KCNQ5: variants seen among roughly 807,000 people sequenced by gnomAD.
KCNQ5 encodes potassium voltage-gated channel subfamily Q member 5.
Under a neutral mutation model 98.2 loss-of-function variants are expected in KCNQ5, and 30 were observed. That is an observed-to-expected ratio of 0.31 (90% CI 0.23 to 0.41). The LOEUF (loss-of-function observed/expected upper bound fraction) is 0.41, where lower values mean the gene tolerates loss of function less well. Among genes scored for constraint, KCNQ5 ranks in the 10% least tolerant of loss-of-function variants. KCNQ5 has a pLI of 1.00. For missense variants in KCNQ5, 835 were observed against 1,182.5 expected (o/e 0.71, Z 4.31); for synonymous variants, 458 against 449.4 (o/e 1.02, Z -0.24).
intron 6 of KCNQ5, among the ~76,000 whole-genome samples, chr6:73,108,049 C>T (rs1775075403): frequency 6.6e-6 from 1 of 152,170 alleles, no homozygotes; most frequent in South Asian, 2.1e-4. Context: ...TTGTGGGCTG[C>T]CCCTATGTAG....
At chr6:72,882,510 G>A (rs1338986904) in intron 1 of KCNQ5, among the ~76,000 whole-genome samples, 1 of 152,140 alleles carries the variant, frequency 6.6e-6, no homozygotes, top group Non-Finnish European at 1.5e-5. Context: ...GTCCCTAAAT[G>A]CAGTGGAATG....
At chr6:73,130,695 A>G (rs371478336) in intron 9 of KCNQ5, among the ~76,000 whole-genome samples, 1 of 151,776 alleles carries the variant, frequency 6.6e-6, no homozygotes, top group African/African-American at 2.4e-5. Flanking sequence ...TCACCTGATC[A>G]GCTTAATAGT....
At chr6:73,154,347 G>A (rs566602660) in intron 10 of KCNQ5, among the ~76,000 whole-genome samples, 87 of 152,250 alleles carry the variant, frequency 5.7e-4, no homozygotes, top group Admixed American at 2.1e-3. Context: ...TGTTGCTACA[G>A]TACCAGCAAT....
At chr6:73,121,624 C>T (rs772576357) in intron 8 of KCNQ5, among the ~76,000 whole-genome samples, 4 of 152,130 alleles carry the variant, frequency 2.6e-5, no homozygotes, top group Non-Finnish European at 4.4e-5. Flanking sequence ...TCATGGGATT[C>T]AGGACACCTA....
rs547244833 is a variant in KCNQ5 at position 72,653,541 on chromosome 6, C to T, written c.398+30954C>T. Among the ~76,000 whole-genome samples, 99 of 151,874 alleles carry T rather than the reference C, an allele frequency of 6.5e-4. 1 individual carries two copies. Among genetic ancestry groups the T allele is most frequent in the African/African-American group, 2.3e-3 (94 of 41,458 alleles). The stretch of plus-strand genomic sequence containing the variant: ...TATTGTATAGTTGTGGTCATTATAC[C>T]GTTCATTAAAAATATTTATTTGAAA... On this transcript the variant is annotated intron_variant, in intron 1 of 13. Coordinates refer to ENST00000370398, the MANE Select transcript of KCNQ5 (RefSeq NM_019842.4).
chr6:72,962,250 T>C (rs1482686846), intron 1 of KCNQ5, among the ~76,000 whole-genome samples: 3 of 145,278 alleles, frequency 2.1e-5, no homozygotes, highest in Non-Finnish European at 4.5e-5. Context: ...CATATATATA[T>C]ACACACATAT....
At chr6:73,045,079 G>A (rs1463215718) in intron 3 of KCNQ5, among the ~76,000 whole-genome samples, 6 of 152,042 alleles carry the variant, frequency 3.9e-5, no homozygotes, top group Non-Finnish European at 8.8e-5. Context: ...ATTGACAAAG[G>A]CCCAATTGAT....
At chr6:73,101,985 C>A (rs1187592961) in intron 5 of KCNQ5, among the ~76,000 whole-genome samples, 8 of 151,992 alleles carry the variant, frequency 5.3e-5, no homozygotes, top group Non-Finnish European at 8.8e-5. Context: ...AATCACATTA[C>A]CTGACTTCAA....
At chr6:73,104,913 T>G (rs1311474023) in intron 5 of KCNQ5, among the ~76,000 whole-genome samples, 4 of 152,204 alleles carry the variant, frequency 2.6e-5, no homozygotes, top group Non-Finnish European at 5.9e-5. Context: ...ACAGCCTAAA[T>G]TAACATAAAT....
chr6:72,697,814 A>T (rs1021396136), intron 1 of KCNQ5, among the ~76,000 whole-genome samples: 2 of 152,182 alleles, frequency 1.3e-5, no homozygotes, highest in African/African-American at 4.8e-5. Context: ...AATTAGCTTG[A>T]TTATGGCGAT....
intron 11 of KCNQ5, among the ~76,000 whole-genome samples, chr6:73,180,404 T>G (rs1431871356): frequency 6.6e-6 from 1 of 152,222 alleles, no homozygotes; most frequent in Non-Finnish European, 1.5e-5. Flanking sequence ...AACTACTTCT[T>G]GCATGAAACT....
chr6:72,677,699 A>G (rs566768651), intron 1 of KCNQ5, among the ~76,000 whole-genome samples: 14 of 152,334 alleles, frequency 9.2e-5, no homozygotes, highest in African/African-American at 3.4e-4. Flanking sequence ...AAGGAATTCA[A>G]CTGAATGAGA....
rs1189137122 is a variant in KCNQ5 at position 72,658,559 on chromosome 6, G to GATATATATATATATATATATAT, written c.398+35992_398+35993insATATATATATATATATATATAT. On this transcript the variant is annotated intron_variant, in intron 1 of 13. Transcript: ENST00000370398. ...GCCTCCCAAAGTGCTGGGATTAAAG[G>GATATATATATATATATATATAT]ATATATATATATATATATATTTTTT... Among the ~76,000 whole-genome samples, 5 of 88,430 alleles carry GATATATATATATATATATATAT rather than the reference G, an allele frequency of 5.7e-5. 1 individual carries two copies. The highest frequency in any genetic ancestry group is 2.7e-4 in the African/African-American group (4 of 14,850). 58.0% of individuals were successfully genotyped at this position (88,430 alleles called of 152,430 possible). A position where few individuals can be genotyped will look rare whatever the true frequency, so the allele number is the denominator to read the frequency against.
At chr6:72,681,150 G>C (rs1248854758) in intron 1 of KCNQ5, among the ~76,000 whole-genome samples, 1 of 152,220 alleles carries the variant, frequency 6.6e-6, no homozygotes, top group Non-Finnish European at 1.5e-5. Context: ...AGAGCACGCA[G>C]ATCCTGCATG....
At chr6:72,776,008 T>C (rs1773144862) in intron 1 of KCNQ5, among the ~76,000 whole-genome samples, 1 of 152,200 alleles carries the variant, frequency 6.6e-6, no homozygotes, top group Non-Finnish European at 1.5e-5. Context: ...TATTGGTTCA[T>C]TAATTATGAC....
rs146551496 is a variant in KCNQ5 at position 72,722,326 on chromosome 6, C to T, written c.398+99739C>T. Among the ~76,000 whole-genome samples, 23 of 152,290 alleles carry T rather than the reference C, an allele frequency of 1.5e-4. No homozygotes were observed. In the East Asian group the frequency reaches 3.7e-3, roughly 24 times the overall value. On this transcript the variant is annotated intron_variant, in intron 1 of 13. Coordinates refer to ENST00000370398, the MANE Select transcript of KCNQ5 (RefSeq NM_019842.4). ...TAAAACCTTTCTCTTGCCTAAAAGC[C>T]GTCCTTGGCCCTTCCAGCCAAGAGT...
intron 1 of KCNQ5, among the ~76,000 whole-genome samples, chr6:72,756,804 C>A (rs1771992837): frequency 6.6e-6 from 1 of 151,890 alleles, no homozygotes; most frequent in South Asian, 2.1e-4. Flanking sequence ...ACATTTGTCA[C>A]TGGAACATAT....
At chr6:72,801,707 G>C (rs1429733370) in intron 1 of KCNQ5, among the ~76,000 whole-genome samples, 9 of 151,680 alleles carry the variant, frequency 5.9e-5, no homozygotes, top group Non-Finnish European at 1.2e-4. Context: ...AGTTGATGCA[G>C]TTTCTTCCTA....
chr6:73,041,803 T>C (rs944681778), intron 2 of KCNQ5, 133 bp from the exon 3 acceptor site: 3 of 956,652 alleles, frequency 3.1e-6, no homozygotes, highest in Non-Finnish European at 4.8e-6. Flanking sequence ...AGAAAGGAAA[T>C]GTTCTTAACT....
Sources: gnomAD v4.1 joint callset for allele counts (sites outside exome capture counted in the v4.1 genomes callset) on GRCh38, gnomAD v4.1.1 for gene constraint, MANE v1.5 for transcripts, NCBI Gene and HGNC (gene_info 2026-07-23, HGNC 2026-07-21) for gene names.